Variants in CMSS1 observed in about 807,000 individuals in gnomAD.
CMSS1 encodes the protein cms1 ribosomal small subunit homolog, also known as protein CMSS1.
In CMSS1, 33 loss-of-function variants were observed where a neutral mutation model predicts 43.5. The ratio of observed to expected loss-of-function variants is 0.76; its 90% CI spans 0.57 to 1.01. The LOEUF (loss-of-function observed/expected upper bound fraction) is 1.01, where lower values mean the gene tolerates loss of function less well. Ranked by LOEUF, CMSS1 falls within the 50% of genes least tolerant of loss-of-function variation. The pLI, the probability that CMSS1 is intolerant of heterozygous loss-of-function variation, is 0.00. For missense variants in CMSS1, 313 were observed against 326.4 expected, an observed-to-expected ratio of 0.96 and a Z score of 0.32; for synonymous variants, 115 against 117.2, an observed-to-expected ratio of 0.98 and a Z score of 0.12.
chr3:100,181,251 C>T lies in CMSS1; in HGVS notation c.*2863C>T, dbSNP rs2067183129. On this transcript the variant is annotated 3_prime_UTR_variant, in exon 10 of 10. Coordinates refer to ENST00000421999, the MANE Select transcript of CMSS1 (RefSeq NM_032359.4). The stretch of plus-strand genomic sequence containing the variant: ...TCAAGTGAATTTGGCCCTTTGTAAA[C>T]GTATAAAAAGACAACAATATAATTA... 1.3e-5 allele frequency: 2 copies of T among 152,116 alleles called. No individual in the cohort carries two copies. Among genetic ancestry groups the T allele is most frequent in the Non-Finnish European group, 2.9e-5 (2 of 68,004 alleles). 9.4% of individuals were successfully genotyped at this position (152,116 alleles called of 1,614,324 possible).
At chr3:99,969,074 A>C (rs1708738287) in intron 1 of CMSS1, among the ~76,000 whole-genome samples, 1 of 152,166 alleles carries the variant, frequency 6.6e-6, no homozygotes, top group Admixed American at 6.5e-5. Flanking sequence ...GGGGATAATT[A>C]ATGGAGCTCG....
At chr3:100,094,014 T>C (rs1559755243) in intron 1 of CMSS1, among the ~76,000 whole-genome samples, 1 of 152,216 alleles carries the variant, frequency 6.6e-6, no homozygotes, top group Non-Finnish European at 1.5e-5. Flanking sequence ...GGTAGTTTTA[T>C]AGAGTTACTG....
chr3:99,956,538 G>A (rs992726992), intron 1 of CMSS1, among the ~76,000 whole-genome samples: 1 of 152,114 alleles, frequency 6.6e-6, no homozygotes, highest in Non-Finnish European at 1.5e-5. Flanking sequence ...TTATAGATGG[G>A]GTTTCACCAC....
At chr3:99,853,538 G>GA (rs1379591839) in intron 1 of CMSS1, among the ~76,000 whole-genome samples, 1 of 152,164 alleles carries the variant, frequency 6.6e-6, no homozygotes, top group Admixed American at 6.5e-5. Flanking sequence ...AAAAGGTTTA[G>GA]AAAAAAATTC....
At chr3:100,009,531 A>C (rs1203369158) in intron 1 of CMSS1, among the ~76,000 whole-genome samples, 1 of 152,196 alleles carries the variant, frequency 6.6e-6, no homozygotes, top group African/African-American at 2.4e-5. Flanking sequence ...CCTCCACTAC[A>C]CTGAGCCTTT....
At chr3:99,891,384 G>A (rs1196963433) in intron 1 of CMSS1, among the ~76,000 whole-genome samples, 1 of 152,024 alleles carries the variant, frequency 6.6e-6, no homozygotes, top group Non-Finnish European at 1.5e-5. Flanking sequence ...TTAAGTTTAT[G>A]GAGTTTAACA....
intron 1 of CMSS1, among the ~76,000 whole-genome samples, chr3:99,937,908 G>A (rs1036330181): frequency 6.6e-5 from 10 of 152,194 alleles, no homozygotes; most frequent in African/African-American, 2.4e-4. Flanking sequence ...ATTTTAGCCT[G>A]AAGTAAATGA....
chr3:99,849,310 C>A (rs1943537171), intron 1 of CMSS1: 1 of 1,613,994 alleles, frequency 6.2e-7, no homozygotes, highest in Non-Finnish European at 8.5e-7. Flanking sequence ...ATCGGAAATT[C>A]TTCTTCCATT....
rs374235040 is a variant in CMSS1 at position 100,051,478 on chromosome 3, G to C, written c.65-95495G>C. 1.5e-4 allele frequency among the ~76,000 whole-genome samples: 22 copies of C among 150,694 alleles called. No individual in the cohort carries two copies. In the East Asian group the frequency reaches 2.7e-3, roughly 19 times the overall value. ...TCATTAACTCGTCATTTAACATTAG[G>C]TATATCTCCTAATGCTAACCCTCCC... is the stretch of plus-strand genomic sequence containing the variant. On this transcript the variant is annotated intron_variant, in intron 1 of 9. Transcript: ENST00000421999.
chr3:99,929,974 A>G (rs1373136806), intron 1 of CMSS1: 1 of 1,614,022 alleles, frequency 6.2e-7, no homozygotes, highest in Non-Finnish European at 8.5e-7. Context: ...CTGAGCTTCC[A>G]GCAAAGCCAG....
intron 1 of CMSS1, among the ~76,000 whole-genome samples, chr3:100,063,902 T>C (rs187977126): frequency 1.3e-5 from 2 of 152,354 alleles, no homozygotes; most frequent in Admixed American, 1.3e-4. Flanking sequence ...TAATCAAATG[T>C]TAAAATCTCT....
In CMSS1 at chr3:100,181,496, C is replaced by T. The variant is rs1274716667; in HGVS notation, c.*3108C>T. 6.6e-6 allele frequency: 1 copy of T among 152,122 alleles called. No individual in the cohort carries two copies. The highest frequency in any genetic ancestry group is 2.4e-5 in the African/African-American group (1 of 41,420). The allele number at this position is 152,122 out of a possible 1,614,324, so 9.4% of individuals were successfully genotyped here. A position where few individuals can be genotyped will look rare whatever the true frequency, so the allele number is the denominator to read the frequency against. On this transcript the variant is annotated 3_prime_UTR_variant, in exon 10 of 10. Transcript: ENST00000421999. ...TTTATTTGGATTTCTCCAATTTTTC[C>T]ACTAATGTCCTTGTTCTATTCCAGG...
At chr3:100,129,182 C>T (rs928612146) in intron 1 of CMSS1, among the ~76,000 whole-genome samples, 4 of 152,148 alleles carry the variant, frequency 2.6e-5, no homozygotes, top group African/African-American at 7.2e-5. Context: ...GTCTTTCCTG[C>T]TATATTGTCA....
In CMSS1 at chr3:100,112,087, C is replaced by T. The variant is rs146027862; in HGVS notation, c.65-34886C>T. ...ATGAATGAATGAACAAATGAGCAAA[C>T]AAACTAAGCTATTACTATAAAAGTG... On this transcript the variant is annotated intron_variant, in intron 1 of 9. Transcript: ENST00000421999. 3.7e-4 allele frequency among the ~76,000 whole-genome samples: 57 copies of T among 152,280 alleles called. 1 individual carries two copies. The South Asian group carries it at 8.5e-3, about 23-fold the overall frequency.
At chr3:99,825,573 A>C (rs1288336082) in intron 1 of CMSS1, among the ~76,000 whole-genome samples, 1 of 152,154 alleles carries the variant, frequency 6.6e-6, no homozygotes, top group Non-Finnish European at 1.5e-5. Flanking sequence ...AATTACGAAC[A>C]TTTAAAGGTG....
At chr3:99,958,949 T>C (rs780050845) in intron 1 of CMSS1, among the ~76,000 whole-genome samples, 21 of 152,234 alleles carry the variant, frequency 1.4e-4, no homozygotes, top group Non-Finnish European at 2.8e-4. Flanking sequence ...TAATGAGCTC[T>C]ATACCACTGG....
At chr3:100,107,036 TAC>T (rs1377876769) in intron 1 of CMSS1, among the ~76,000 whole-genome samples, 3 of 152,178 alleles carry the variant, frequency 2.0e-5, no homozygotes, top group African/African-American at 7.2e-5. Flanking sequence ...TGGATTTTGT[TAC>T]ACAGCCAAGA....
At chr3:99,893,724 A>G (rs1351769058) in intron 1 of CMSS1, among the ~76,000 whole-genome samples, 3 of 152,206 alleles carry the variant, frequency 2.0e-5, no homozygotes, top group Non-Finnish European at 4.4e-5. Context: ...TACTCTACAG[A>G]TAATTTATTT....
chr3:100,116,228 G>T (rs930192073), intron 1 of CMSS1, among the ~76,000 whole-genome samples: 1 of 152,180 alleles, frequency 6.6e-6, no homozygotes, highest in African/African-American at 2.4e-5. Flanking sequence ...GATACTTGGA[G>T]ACTAGGTAAA....
Sources: gnomAD v4.1 joint callset for allele counts (sites outside exome capture counted in the v4.1 genomes callset) on GRCh38, gnomAD v4.1.1 for gene constraint, MANE v1.5 for transcripts, NCBI Gene and HGNC (gene_info 2026-07-23, HGNC 2026-07-21) for gene names.